Variants in ARHGEF28 observed in about 807,000 individuals in gnomAD.
ARHGEF28 encodes the protein 190 kDa guanine nucleotide exchange factor.
ARHGEF28 carries 152 observed loss-of-function variants against 206.6 expected under a neutral mutation model. The observed-to-expected ratio is 0.74, with a 90% CI of 0.64 to 0.84. The LOEUF (loss-of-function observed/expected upper bound fraction) is 0.84. Ranked by LOEUF, ARHGEF28 falls within the 40% of genes least tolerant of loss-of-function variation. The probability of loss-of-function intolerance (pLI) is 0.00; values close to 1 mark genes in which losing one functional copy is unlikely to be tolerated. For missense variants in ARHGEF28, 2,028 were observed against 2,073.2 expected, an observed-to-expected ratio of 0.98 and a Z score of 0.42; for synonymous variants, 763 against 776.4, an observed-to-expected ratio of 0.98 and a Z score of 0.29.
rs1742567247 is a variant in ARHGEF28, at chr5:73,940,870, C to G, written c.4975C>G (p.Pro1659Ala). ...NDLDTSHTESPTPHDSNSHRP... is the reference protein window; with the variant it reads ...NDLDTSHTESATPHDSNSHRP... ...TTTGGACACCTCCCACACTGAGTCC[C>G]CAACCCCCCATGACTCAAATTCACA... The change falls in exon 36 of 36, where the codon CCA becomes GCA. Residue 1659 changes from proline (P) to alanine (A), a missense_variant. Coordinates refer to ENST00000513042, the MANE Select transcript of ARHGEF28 (RefSeq NM_001177693.2). The G allele has an allele frequency of 1.3e-6, 2 of 1,526,992 alleles. No individual in the cohort carries two copies. Among genetic ancestry groups the G allele is most frequent in the Non-Finnish European group, 1.7e-6 (2 of 1,144,172 alleles). 94.6% of individuals were successfully genotyped at this position (1,526,992 alleles called of 1,614,324 possible). A position where few individuals can be genotyped will look rare whatever the true frequency, so the allele number is the denominator to read the frequency against.
At chr5:73,869,450 C>T (rs1759941125) in intron 20 of ARHGEF28, among the ~76,000 whole-genome samples, 1 of 152,108 alleles carries the variant, frequency 6.6e-6, no homozygotes, top group African/African-American at 2.4e-5. Flanking sequence ...ATTATGGACT[C>T]TGTAGGTTAC....
chr5:73,656,918 C>G (rs1321446677), intron 1 of ARHGEF28, among the ~76,000 whole-genome samples: 1 of 152,108 alleles, frequency 6.6e-6, no homozygotes, highest in Admixed American at 6.6e-5. Context: ...TGCCTGTAAT[C>G]TTAGCACTTT....
At chr5:73,628,199 T>C (rs1414525327) in intron 1 of ARHGEF28, among the ~76,000 whole-genome samples, 1 of 152,172 alleles carries the variant, frequency 6.6e-6, no homozygotes, top group East Asian at 1.9e-4. Flanking sequence ...GGCAGGAATT[T>C]CAGGTGAGCT....
rs113588937 is a variant in ARHGEF28 at position 73,891,995 on chromosome 5, G to A, written c.3388-57G>A. The A allele has an allele frequency of 4.2e-3, 6,209 of 1,488,492 alleles. 138 individuals are homozygous for A. The African/African-American group carries it at 0.055, about 13-fold the overall frequency. 92.2% of individuals were successfully genotyped at this position (1,488,492 alleles called of 1,614,324 possible). A position where few individuals can be genotyped will look rare whatever the true frequency, so the allele number is the denominator to read the frequency against. On this transcript the variant is annotated intron_variant, in intron 26 of 35. Coordinates refer to ENST00000513042, the MANE Select transcript of ARHGEF28 (RefSeq NM_001177693.2). ...TTGCTTCCTTTAGCTCATGTTTTAC[G>A]GAGCCTTACTTTAGCTAGGATGCTG...
intron 1 of ARHGEF28, among the ~76,000 whole-genome samples, chr5:73,641,099 CAA>C (rs1189613887): frequency 6.6e-6 from 1 of 152,188 alleles, no homozygotes; most frequent in Non-Finnish European, 1.5e-5. Context: ...CTCATGGTCA[CAA>C]AGACACTGTT....
intron 1 of ARHGEF28, among the ~76,000 whole-genome samples, chr5:73,662,120 C>G (rs1009079007): frequency 6.6e-6 from 1 of 152,202 alleles, no homozygotes; most frequent in Non-Finnish European, 1.5e-5. Context: ...GATTACATTT[C>G]TTTTCCAGAA....
intron 1 of ARHGEF28, among the ~76,000 whole-genome samples, chr5:73,664,489 C>A (rs1157882321): frequency 6.6e-6 from 1 of 152,050 alleles, no homozygotes; most frequent in African/African-American, 2.4e-5. Context: ...GCCTCACTTT[C>A]CTTATATGTA....
In ARHGEF28 at chr5:73,873,105, T is replaced by G. The variant is rs764700334; in HGVS notation, c.2673T>G (p.Asp891Glu). ...TGCAGCTGGACCACAGCACCGTGGA[T>G]AAAATTTTCCCCTGTTTAGATGAGT... Reference protein sequence around the residue: ...EELQLDHSTVDKIFPCLDELL... With the variant: ...EELQLDHSTVEKIFPCLDELL... Residue 891 changes from aspartate to glutamate, a missense_variant, in exon 22 of 36, where the codon GAT (aspartate) becomes GAG (glutamate). By Grantham distance (45) the Asp-to-Glu change is conservative. Coordinates refer to ENST00000513042, the MANE Select transcript of ARHGEF28 (RefSeq NM_001177693.2). 6.2e-7 allele frequency: 1 copy of G among 1,613,236 alleles called. No homozygotes were observed. Among genetic ancestry groups the G allele is most frequent in the Admixed American group, 1.7e-5 (1 of 59,864 alleles).
chr5:73,820,523 G>A (rs983897397), intron 9 of ARHGEF28, among the ~76,000 whole-genome samples: 1 of 152,070 alleles, frequency 6.6e-6, no homozygotes, highest in Non-Finnish European at 1.5e-5. Flanking sequence ...TGGGTGTTCT[G>A]GCATCTGTGA....
At chr5:73,839,689 C>A (rs1006960015) in intron 10 of ARHGEF28, among the ~76,000 whole-genome samples, 2 of 152,190 alleles carry the variant, frequency 1.3e-5, no homozygotes, top group African/African-American at 4.8e-5. Context: ...CCCTTACCCT[C>A]CGCAGAGTCT....
At chr5:73,876,831 T>A (rs1406828328) in intron 22 of ARHGEF28, among the ~76,000 whole-genome samples, 5 of 149,684 alleles carry the variant, frequency 3.3e-5, no homozygotes, top group Non-Finnish European at 4.5e-5. Flanking sequence ...GCCAGTATTT[T>A]ATTGAGGATT....
intron 35 of ARHGEF28, among the ~76,000 whole-genome samples, chr5:73,916,017 T>C (rs894514097): frequency 6.6e-6 from 1 of 152,224 alleles, no homozygotes; most frequent in South Asian, 2.1e-4. Context: ...CCAAGGAAAC[T>C]ATTTTCAAAA....
chr5:73,638,978 C>G (rs1237025481), intron 1 of ARHGEF28, among the ~76,000 whole-genome samples: 2 of 151,960 alleles, frequency 1.3e-5, no homozygotes, highest in Non-Finnish European at 2.9e-5. Context: ...TTTAGAGTAG[C>G]TGGCGCTTGT....
chr5:73,834,164 G>A (rs1757464820), intron 10 of ARHGEF28, among the ~76,000 whole-genome samples: 1 of 152,076 alleles, frequency 6.6e-6, no homozygotes, highest in Admixed American at 6.6e-5. Context: ...AGCTAATTAA[G>A]CACATATATC....
At chr5:73,645,279 T>C (rs1471494461) in intron 1 of ARHGEF28, among the ~76,000 whole-genome samples, 3 of 152,194 alleles carry the variant, frequency 2.0e-5, no homozygotes, top group African/African-American at 4.8e-5. Context: ...GTCTTTCTAG[T>C]AGCTGGGACT....
At chr5:73,883,732 A>G (rs1244048123) in intron 23 of ARHGEF28, 35 bp from the exon 24 acceptor site, 2 of 1,372,704 alleles carry the variant, frequency 1.5e-6, no homozygotes, top group Admixed American at 2.3e-5. Flanking sequence ...AAATACAGGT[A>G]GAATTTGTGT....
Position 73,870,064 on chromosome 5 carries a change from A to T in ARHGEF28, c.2426-5A>T, listed in dbSNP as rs776669005. Reference sequence around the variant, plus strand: ...TCTGGCTTTTCTTTTCTAAACACACATTAGATGTTGTGGATTCTTCTCTGT... The same window carrying T: ...TCTGGCTTTTCTTTTCTAAACACACTTTAGATGTTGTGGATTCTTCTCTGT... On this transcript the variant is annotated splice_region_variant and splice_polypyrimidine_tract_variant and intron_variant, in intron 20 of 35. Coordinates refer to ENST00000513042, the MANE Select transcript of ARHGEF28 (RefSeq NM_001177693.2). The T allele has an allele frequency of 6.2e-7, 1 of 1,611,426 alleles. No homozygotes were observed. Among genetic ancestry groups the T allele is most frequent in the Non-Finnish European group, 8.5e-7 (1 of 1,179,266 alleles).
At chr5:73,865,536 A>C (rs1326858286) in intron 17 of ARHGEF28, among the ~76,000 whole-genome samples, 1 of 152,194 alleles carries the variant, frequency 6.6e-6, no homozygotes, top group Non-Finnish European at 1.5e-5. Context: ...ATATTGCGTC[A>C]GATCACAGAG....
chr5:73,749,250 A>G (rs775467236), intron 2 of ARHGEF28, among the ~76,000 whole-genome samples: 1 of 152,232 alleles, frequency 6.6e-6, no homozygotes, highest in African/African-American at 2.4e-5. Flanking sequence ...ACAGCTGACT[A>G]TGGTCTAGCA....
Sources: allele counts gnomAD v4.1 joint callset (sites outside exome capture counted in the v4.1 genomes callset), GRCh38; gene constraint gnomAD v4.1.1; transcripts MANE v1.5; gene names NCBI Gene and HGNC (gene_info 2026-07-23, HGNC 2026-07-21).